The following ZHX3 variants were observed in gnomAD, a reference collection of about 807,000 sequenced individuals.
ZHX3 encodes zinc fingers and homeoboxes 3.
In ZHX3, 20 loss-of-function variants were observed where a neutral mutation model predicts 64.5. That is an observed-to-expected ratio of 0.31 (90% CI 0.22 to 0.45). The LOEUF (loss-of-function observed/expected upper bound fraction) is 0.45. ZHX3 is among the 20% of genes least tolerant of loss of function. The pLI, the probability that ZHX3 is intolerant of heterozygous loss-of-function variation, is 1.00. For synonymous variants in ZHX3, 423 were observed against 461.6 expected, an observed-to-expected ratio of 0.92 and a Z score of 1.07; for missense variants, 1,041 against 1,195.8, an observed-to-expected ratio of 0.87 and a Z score of 1.91.
Position 41,202,056 on chromosome 20 carries a change from C to A in ZHX3, c.2860+1G>T. The A allele has an allele frequency of 1.3e-6, 2 of 1,587,442 alleles. No homozygotes were observed. Among genetic ancestry groups the A allele is most frequent in the South Asian group, 1.2e-5 (1 of 86,042 alleles). ...AGCCATGGCCCCTGTGGACTCCTTA[C>A]CGAGCTGACGTCCAGCCTGGGGACT... On this transcript the variant is annotated splice_donor_variant, in intron 3 of 3. Coordinates refer to ENST00000683867, the MANE Select transcript of ZHX3 (RefSeq NM_001384317.1). LOFTEE classifies it high-confidence loss of function. This position sits in a 1 kb window ranked among gnomAD's most constrained non-coding sequence, Gnocchi z 7.0.
chr20:41,204,198 C>A lies in ZHX3; in HGVS notation c.719G>T (p.Ser240Ile). 1 of 1,610,232 alleles carries A rather than the reference C, an allele frequency of 6.2e-7. No individual in the cohort carries two copies. The highest frequency in any genetic ancestry group is 8.5e-7 in the Non-Finnish European group (1 of 1,177,960). ...HSFINGAVPV[S>I]QASASSAKNP... The stretch of plus-strand genomic sequence containing the variant: ...TTTTGCAGAGCTGGCAGATGCCTGG[C>A]TGACTGGAACTGCCCCATTGATGAA... Residue 240 changes from serine to isoleucine, a missense_variant, in exon 3 of 4, where the codon AGC (serine) becomes ATC (isoleucine). Transcript: ENST00000683867. This position sits in a 1 kb window ranked among gnomAD's most constrained non-coding sequence, Gnocchi z 6.6.
chr20:41,276,482 G>T (rs746827510), intron 1 of ZHX3, among the ~76,000 whole-genome samples: 20 of 152,298 alleles, frequency 1.3e-4, no homozygotes, highest in Non-Finnish European at 2.6e-4. Context: ...AACAACTGCT[G>T]TGATTTGATC....
chr20:41,233,290 T>C (rs2040749731), intron 2 of ZHX3, among the ~76,000 whole-genome samples: 1 of 152,232 alleles, frequency 6.6e-6, no homozygotes. Context: ...CCCTGCTATG[T>C]TGTGGTGTAT....
intron 3 of ZHX3, among the ~76,000 whole-genome samples, chr20:41,196,474 T>TTTATATAAATATATA (rs2037619616): frequency 1.3e-4 from 5 of 37,910 alleles, no homozygotes; most frequent in East Asian, 1.2e-3. Flanking sequence ...ATAATATATA[T>TTTATATAAATATATA]TTATATATTA....
At chr20:41,279,239 A>G (rs755744936) in intron 1 of ZHX3, among the ~76,000 whole-genome samples, 15 of 152,182 alleles carry the variant, frequency 9.9e-5, no homozygotes, top group Non-Finnish European at 1.9e-4. Flanking sequence ...GCATTCCACA[A>G]GAAGTATATA....
At chr20:41,255,423 T>C (rs977216563) in intron 2 of ZHX3, among the ~76,000 whole-genome samples, 4 of 152,196 alleles carry the variant, frequency 2.6e-5, no homozygotes, top group Non-Finnish European at 5.9e-5. Context: ...AGTGCTGGGA[T>C]TACAGGCGTG....
Position 41,295,082 on chromosome 20 carries a change from A to AT in ZHX3, c.-245+22426dup, listed in dbSNP as rs532410189. On this transcript the variant is annotated intron_variant, in intron 1 of 3. Transcript: ENST00000683867. ...TCTCTCAGCTATCCCTCAAACTACT[A>AT]TATTTCCAGTTCCTTGATGTAGCTT... 4.9e-3 allele frequency among the ~76,000 whole-genome samples: 749 copies of AT among 152,156 alleles called. 1 individual carries two copies. The highest frequency in any genetic ancestry group is 7.8e-3 in the Non-Finnish European group (534 of 68,028).
At chr20:41,218,015 A>G (rs915710798) in intron 2 of ZHX3, among the ~76,000 whole-genome samples, 2 of 152,222 alleles carry the variant, frequency 1.3e-5, no homozygotes, top group Admixed American at 6.5e-5. Flanking sequence ...AAGGCTTGAC[A>G]ATGTAGTCCT....
intron 2 of ZHX3, among the ~76,000 whole-genome samples, chr20:41,243,633 T>C (rs2041518116): frequency 6.6e-6 from 1 of 152,210 alleles, no homozygotes; most frequent in Non-Finnish European, 1.5e-5. Context: ...GACTCCACTA[T>C]GTGCCACTGA....
chr20:41,185,282 G>A lies in ZHX3; in HGVS notation c.2861-81C>T, dbSNP rs758597300. 11 of 1,491,100 alleles carry A rather than the reference G, an allele frequency of 7.4e-6. No homozygotes were observed. The highest frequency in any genetic ancestry group is 9.9e-6 in the Non-Finnish European group (11 of 1,110,558). 92.4% of individuals were successfully genotyped at this position (1,491,100 alleles called of 1,614,324 possible). Reference sequence around the variant, plus strand: ...AGGCAGCCTGGTCCTTGCTATACCAGGGTGGCATCACTGGCTTTGAGGACC... The same window carrying A: ...AGGCAGCCTGGTCCTTGCTATACCAAGGTGGCATCACTGGCTTTGAGGACC... On this transcript the variant is annotated intron_variant, in intron 3 of 3. Coordinates refer to ENST00000683867, the MANE Select transcript of ZHX3 (RefSeq NM_001384317.1). This position sits in a 1 kb window ranked among gnomAD's most constrained non-coding sequence, Gnocchi z 5.0.
At chr20:41,198,247 C>T (rs568487352) in intron 3 of ZHX3, among the ~76,000 whole-genome samples, 2 of 152,116 alleles carry the variant, frequency 1.3e-5, no homozygotes, top group Non-Finnish European at 1.5e-5. Flanking sequence ...CCACCCGCCT[C>T]GGCCTCCCAA....
chr20:41,306,777 C>T (rs764537745), intron 1 of ZHX3, among the ~76,000 whole-genome samples: 2 of 152,162 alleles, frequency 1.3e-5, no homozygotes, highest in Non-Finnish European at 2.9e-5. Flanking sequence ...TATGTTGATT[C>T]CCAAGGGGAT....
chr20:41,256,739 A>G (rs933177925), intron 2 of ZHX3, among the ~76,000 whole-genome samples: 1 of 150,358 alleles, frequency 6.7e-6, no homozygotes, highest in Non-Finnish European at 1.5e-5. Context: ...CCACACTCCA[A>G]CTCCTCCTAG....
In ZHX3 at chr20:41,202,557, T is replaced by C; in HGVS notation, c.2360A>G (p.Gln787Arg). The change falls in exon 3 of 4, where the codon CAG becomes CGG. Residue 787 changes from glutamine to arginine, a missense_variant. By Grantham distance (43) the Gln-to-Arg change is conservative. Coordinates refer to ENST00000683867, the MANE Select transcript of ZHX3 (RefSeq NM_001384317.1). This position sits in a 1 kb window ranked among gnomAD's most constrained non-coding sequence, Gnocchi z 7.0. Reference protein sequence around the residue: ...HLLRQLFVQTQWPSNQDYDSI... With the variant: ...HLLRQLFVQTRWPSNQDYDSI... ...GTCATAGTCCTGGTTGCTTGGCCAC[T>C]GTGTCTGGACAAAGAGCTGCCGCAG... 2 of 1,614,116 alleles carry C rather than the reference T, an allele frequency of 1.2e-6. No homozygotes were observed. The highest frequency in any genetic ancestry group is 1.7e-6 in the Non-Finnish European group (2 of 1,180,042).
Position 41,204,562 on chromosome 20 carries a change from T to C in ZHX3, c.355A>G (p.Lys119Glu). 1 of 1,614,226 alleles carries C rather than the reference T, an allele frequency of 6.2e-7. No homozygotes were observed. Among genetic ancestry groups the C allele is most frequent in the South Asian group, 1.1e-5 (1 of 91,088 alleles). The change falls in exon 3 of 4, where the codon AAA becomes GAA. Residue 119 changes from lysine (K) to glutamate (E), a missense_variant. Physicochemically the swap from Lys to Glu is moderately conservative, Grantham distance 56. Coordinates refer to ENST00000683867, the MANE Select transcript of ZHX3 (RefSeq NM_001384317.1). This position sits in a 1 kb window ranked among gnomAD's most constrained non-coding sequence, Gnocchi z 6.6. ...TGCAAGGAAAGCCCCTCAGGGGTTTTTGCCAGAAAACTGCACCCACTGCAT... is the reference window on the plus strand; with the variant it reads ...TGCAAGGAAAGCCCCTCAGGGGTTTCTGCCAGAAAACTGCACCCACTGCAT... ...FVCSGCSFLA[K>E]TPEGLSLHNA...
At chr20:41,276,140 C>G (rs1190166779) in intron 1 of ZHX3, among the ~76,000 whole-genome samples, 2 of 152,126 alleles carry the variant, frequency 1.3e-5, no homozygotes, top group African/African-American at 4.8e-5. Flanking sequence ...AATTCCTGTT[C>G]TTAGGGAGTA....
intron 1 of ZHX3, among the ~76,000 whole-genome samples, chr20:41,302,705 C>T (rs2044859594): frequency 6.6e-6 from 1 of 152,262 alleles, no homozygotes; most frequent in Non-Finnish European, 1.5e-5. Context: ...TGCCCTCTCA[C>T]TCTCTTCTCC....
In ZHX3 at chr20:41,202,306, T is replaced by G. The variant is rs766383044; in HGVS notation, c.2611A>C (p.Lys871Gln). ...YEEDLQNLCD[K>Q]TQMSSQQVKQ... ...ACCTGCTGGGAGCTCATCTGGGTCTTGTCACAGAGGTTCTGCAGGTCCTCT... is the reference window on the plus strand; with the variant it reads ...ACCTGCTGGGAGCTCATCTGGGTCTGGTCACAGAGGTTCTGCAGGTCCTCT... The change falls in exon 3 of 4, where the codon AAG (lysine) becomes CAG (glutamine). Residue 871 changes from lysine (K) to glutamine (Q), a missense_variant. Around this residue, in one of 4 missense-constraint regions of ZHX3, gnomAD observed 649 missense variants for 739.8 expected, o/e 0.88. Coordinates refer to ENST00000683867, the MANE Select transcript of ZHX3 (RefSeq NM_001384317.1). This position sits in a 1 kb window ranked among gnomAD's most constrained non-coding sequence, Gnocchi z 7.0. The G allele has an allele frequency of 2.2e-5, 35 of 1,614,194 alleles. No homozygotes were observed. The highest frequency in any genetic ancestry group is 2.9e-5 in the Non-Finnish European group (34 of 1,180,028).
At chr20:41,214,464 A>C (rs754984828) in intron 2 of ZHX3, among the ~76,000 whole-genome samples, 3 of 152,206 alleles carry the variant, frequency 2.0e-5, no homozygotes, top group Admixed American at 1.3e-4. Context: ...CACTCCACAC[A>C]GTGAGCTCTC....
Sources: gnomAD v4.1 joint callset for allele counts (sites outside exome capture counted in the v4.1 genomes callset) on GRCh38, gnomAD v4.1.1 for gene constraint, gnomAD v4.1.1 regional missense constraint, Gnocchi (gnomAD v3.1) non-coding constraint, MANE v1.5 for transcripts, NCBI Gene and HGNC (gene_info 2026-07-23, HGNC 2026-07-21) for gene names.